The following SGCZ variants were observed in gnomAD, a reference collection of about 807,000 sequenced individuals.
The protein encoded by SGCZ is sarcoglycan zeta.
In SGCZ, 40 loss-of-function variants were observed where a neutral mutation model predicts 41.3. The ratio of observed to expected loss-of-function variants is 0.97; its 90% CI spans 0.75 to 1.26. The LOEUF is 1.26. Among genes scored for constraint, SGCZ ranks in the 50% most tolerant of loss-of-function variants. The pLI, the probability that SGCZ is intolerant of heterozygous loss-of-function variation, is 0.00. For synonymous variants in SGCZ, 206 were observed against 137.5 expected (o/e 1.50, Z -3.49); for missense variants, 552 against 369.8 (o/e 1.49, Z -4.04).
At chr8:15,024,359 C>T (rs1333990734) in intron 1 of SGCZ, among the ~76,000 whole-genome samples, 1 of 152,142 alleles carries the variant, frequency 6.6e-6, no homozygotes, top group Admixed American at 6.6e-5. Flanking sequence ...TGAGGAGACA[C>T]TGCTAACATG....
chr8:14,201,936 T>C (rs1038310779), intron 4 of SGCZ, among the ~76,000 whole-genome samples: 9 of 152,200 alleles, frequency 5.9e-5, no homozygotes, highest in Non-Finnish European at 1.2e-4. Context: ...TTTTAAAATA[T>C]GAAAATATAT....
chr8:14,627,330 A>T (rs115395719), intron 1 of SGCZ, among the ~76,000 whole-genome samples: 2 of 152,092 alleles, frequency 1.3e-5, no homozygotes, highest in East Asian at 1.9e-4. Context: ...TTTGCCTTCA[A>T]TTTGGAGGGA....
intron 2 of SGCZ, among the ~76,000 whole-genome samples, chr8:14,331,092 T>C (rs1266790740): frequency 2.0e-5 from 3 of 151,716 alleles, no homozygotes; most frequent in African/African-American, 7.2e-5. Context: ...TTTAAATTTG[T>C]ATGAGGAAAA....
chr8:14,728,182 A>G (rs552768800), intron 1 of SGCZ, among the ~76,000 whole-genome samples: 1 of 152,202 alleles, frequency 6.6e-6, no homozygotes, highest in Non-Finnish European at 1.5e-5. Flanking sequence ...GTCAAAATGC[A>G]TCGAAGCAAA....
chr8:14,497,314 T>G (rs983150895), intron 2 of SGCZ, among the ~76,000 whole-genome samples: 1 of 152,140 alleles, frequency 6.6e-6, no homozygotes, highest in Non-Finnish European at 1.5e-5. Context: ...GCGTGTCTCA[T>G]GGTCAGAGAG....
intron 1 of SGCZ, among the ~76,000 whole-genome samples, chr8:14,608,401 C>T (rs750953418): frequency 4.0e-5 from 6 of 151,750 alleles, no homozygotes; most frequent in Non-Finnish European, 7.4e-5. Context: ...ATATGCTCAG[C>T]TTCTGGAGAG....
intron 2 of SGCZ, among the ~76,000 whole-genome samples, chr8:14,500,605 C>G (rs943530339): frequency 6.6e-6 from 1 of 151,940 alleles, no homozygotes; most frequent in African/African-American, 2.4e-5. Context: ...ATAGCTTACT[C>G]ACTACGAAAG....
intron 4 of SGCZ, among the ~76,000 whole-genome samples, chr8:14,233,597 G>GATATAT (rs5889522): frequency 8.2e-5 from 12 of 145,468 alleles, no homozygotes; most frequent in South Asian, 2.1e-4. Context: ...ATAAAATATA[G>GATATAT]ATATATATAT....
chr8:14,147,393 C>A (rs535036982), intron 5 of SGCZ, among the ~76,000 whole-genome samples: 120 of 151,920 alleles, frequency 7.9e-4, no homozygotes, highest in African/African-American at 2.7e-3. Flanking sequence ...CCAATAAAAA[C>A]CAAAAAAGTG....
rs1014419540 is a variant in SGCZ, at chr8:14,366,734, C to G, written c.235-42530G>C. 4.6e-5 allele frequency among the ~76,000 whole-genome samples: 7 copies of G among 152,244 alleles called. 1 individual carries two copies. The highest frequency in any genetic ancestry group is 4.6e-4 in the Admixed American group (7 of 15,274). On this transcript the variant is annotated intron_variant, in intron 2 of 7. Coordinates refer to ENST00000382080, the MANE Select transcript of SGCZ (RefSeq NM_139167.4). Reference sequence around the variant, plus strand: ...AAGTGTTAACTCATTCCAGTATTAACTGAAGAGTTCACAGAGTAAAGACAA... The same window carrying G: ...AAGTGTTAACTCATTCCAGTATTAAGTGAAGAGTTCACAGAGTAAAGACAA...
At chr8:14,992,895 C>T (rs550074600) in intron 1 of SGCZ, among the ~76,000 whole-genome samples, 60 of 148,850 alleles carry the variant, frequency 4.0e-4, no homozygotes, top group African/African-American at 1.4e-3. Flanking sequence ...CCATCCTCCT[C>T]ATCCAATCTA....
chr8:14,236,689 TAGATAG>T (rs954226204), intron 4 of SGCZ, among the ~76,000 whole-genome samples: 13 of 151,554 alleles, frequency 8.6e-5, no homozygotes, highest in Admixed American at 3.3e-4. Context: ...TATGTATAAC[TAGATAG>T]AGATAAACAG....
At chr8:14,834,177 C>T (rs1457492034) in intron 1 of SGCZ, among the ~76,000 whole-genome samples, 2 of 151,706 alleles carry the variant, frequency 1.3e-5, no homozygotes, top group African/African-American at 4.8e-5. Context: ...TTGATTTTTT[C>T]CTGAACAACT....
At chr8:14,615,674 G>A (rs1054343596) in intron 1 of SGCZ, among the ~76,000 whole-genome samples, 1 of 152,118 alleles carries the variant, frequency 6.6e-6, no homozygotes, top group Admixed American at 6.6e-5. Context: ...AAAATTGTAA[G>A]TATTAAGTTT....
intron 2 of SGCZ, among the ~76,000 whole-genome samples, chr8:14,549,206 T>C (rs1803723726): frequency 6.6e-6 from 1 of 152,060 alleles, no homozygotes; most frequent in East Asian, 1.9e-4. Context: ...TAGTTATTAC[T>C]GAGGAAGTCA....
At chr8:14,705,799 AT>A (rs1319127102) in intron 1 of SGCZ, among the ~76,000 whole-genome samples, 1 of 152,004 alleles carries the variant, frequency 6.6e-6, no homozygotes, top group African/African-American at 2.4e-5. Flanking sequence ...TAAGGCCAAT[AT>A]TTTTACCCTT....
At chr8:14,707,236 A>C (rs1809362625) in intron 1 of SGCZ, among the ~76,000 whole-genome samples, 1 of 125,312 alleles carries the variant, frequency 8.0e-6, no homozygotes, top group Non-Finnish European at 1.6e-5. Context: ...TCCTGTGTCC[A>C]TGTGTTCTCA....
chr8:14,670,488 C>T (rs1384746855), intron 1 of SGCZ, among the ~76,000 whole-genome samples: 2 of 152,080 alleles, frequency 1.3e-5, no homozygotes, highest in Non-Finnish European at 2.9e-5. Context: ...AAAGTATTTT[C>T]GTCTGTTATT....
At chr8:15,131,333 T>C (rs1173442658) in intron 1 of SGCZ, among the ~76,000 whole-genome samples, 1 of 152,194 alleles carries the variant, frequency 6.6e-6, no homozygotes, top group Non-Finnish European at 1.5e-5. Context: ...CCCCTTTCAC[T>C]TGGCTCTCAT....
Sources: gnomAD v4.1 joint callset for allele counts (sites outside exome capture counted in the v4.1 genomes callset) on GRCh38, gnomAD v4.1.1 for gene constraint, MANE v1.5 for transcripts, NCBI Gene and HGNC (gene_info 2026-07-23, HGNC 2026-07-21) for gene names.